The following PADI2 variants were observed in gnomAD, a reference collection of about 807,000 sequenced individuals.
PADI2 encodes the protein peptidyl arginine deiminase 2.
PADI2 carries 70 observed loss-of-function variants against 81.1 expected under a neutral mutation model. The ratio of observed to expected loss-of-function variants is 0.86; its 90% CI spans 0.71 to 1.05. The LOEUF is 1.05. Among genes scored for constraint, PADI2 ranks in the 50% least tolerant of loss-of-function variants. The pLI is 0.00. For synonymous variants in PADI2, 338 were observed against 358.0 expected (o/e 0.94, Z 0.63); for missense variants, 853 against 889.9 (o/e 0.96, Z 0.53).
intron 11 of PADI2, among the ~76,000 whole-genome samples, chr1:17,076,665 C>T (rs892092814): frequency 3.9e-5 from 6 of 152,040 alleles, no homozygotes; most frequent in Non-Finnish European, 8.8e-5. Flanking sequence ...CAATATCTCC[C>T]TCCCTGGTTC....
Position 17,115,130 on chromosome 1 carries a change from C to T in PADI2, c.92+4150G>A, listed in dbSNP as rs949230315. Among the ~76,000 whole-genome samples, 14 of 152,210 alleles carry T rather than the reference C, an allele frequency of 9.2e-5. No individual in the cohort carries two copies. Among genetic ancestry groups the T allele is most frequent in the Non-Finnish European group, 1.3e-4 (9 of 68,028 alleles). ...GTGAGTTTGTGCCAAAGTCTAGGAG[C>T]GCCTGCCTGATACCTTCTTCCTATC... On this transcript the variant is annotated intron_variant, in intron 1 of 15. Transcript: ENST00000375486. The surrounding 1 kb of genome is among the most constrained non-coding windows in gnomAD (Gnocchi z 4.1).
rs2078247483 is a variant in PADI2 at position 17,069,242 on chromosome 1, G to A, written c.1800C>T (p.Ile600=). 3 of 1,614,122 alleles carry A rather than the reference G, an allele frequency of 1.9e-6. No homozygotes were observed. In the East Asian group the frequency reaches 6.7e-5, roughly 36 times the overall value. ...NMIVLDKDLG[I]PKPFGPQVEE... is the part of the protein sequence containing the mutation. ...CAACCTGTGGCCCGAATGGCTTGGG[G>A]ATGCCCAGGTCCTTGTCCAGCACGA... The change falls in exon 16 of 16, where the codon ATC becomes ATT. Residue 600 remains isoleucine (I), a synonymous_variant. Coordinates refer to ENST00000375486, the MANE Select transcript of PADI2 (RefSeq NM_007365.3).
At chr1:17,104,805 C>T (rs12062472) in intron 2 of PADI2, 73 bp downstream of exon 2, 22,489 of 1,328,968 alleles carry the variant, frequency 0.017, 848 homozygotes, top group African/African-American at 0.15. Context: ...TTCTATGGGA[C>T]AGGGCTGGTC....
intron 11 of PADI2, among the ~76,000 whole-genome samples, chr1:17,076,455 C>T (rs1023905002): frequency 2.6e-5 from 4 of 152,036 alleles, no homozygotes; most frequent in East Asian, 1.9e-4. Context: ...CCTCATGATC[C>T]GCCCTCCTTG....
rs147628040 is a variant in PADI2, at chr1:17,069,277, C to T, written c.1765G>A (p.Val589Met). Reference sequence around the variant, plus strand: ...TCCTTGTCCAGCACGATCATGTTCACCTGTGACGGGGGATTGCGATGGCAA... The same window carrying T: ...TCCTTGTCCAGCACGATCATGTTCATCTGTGACGGGGGATTGCGATGGCAA... ...HRARAFFPNM[V>M]NMIVLDKDLG... The change falls in exon 16 of 16, where the codon GTG becomes ATG. Residue 589 changes from valine to methionine, a missense_variant and splice_region_variant. Transcript: ENST00000375486. 3 of 1,612,508 alleles carry T rather than the reference C, an allele frequency of 1.9e-6. No individual in the cohort carries two copies. In the South Asian group the frequency reaches 3.3e-5, roughly 18 times the overall value.
At chr1:17,094,362 C>T (rs1180243233) in intron 4 of PADI2, among the ~76,000 whole-genome samples, 2 of 152,180 alleles carry the variant, frequency 1.3e-5, no homozygotes, top group Admixed American at 1.3e-4. Context: ...AGCTCCCAGG[C>T]CTTTGCCTAT....
intron 11 of PADI2, among the ~76,000 whole-genome samples, chr1:17,077,050 C>T (rs1430403547): frequency 6.6e-6 from 1 of 152,104 alleles, no homozygotes; most frequent in Non-Finnish European, 1.5e-5. Context: ...CCACCTGCTA[C>T]ACTTGCTATC....
chr1:17,108,606 G>A (rs1470432406), intron 1 of PADI2, among the ~76,000 whole-genome samples: 1 of 152,000 alleles, frequency 6.6e-6, no homozygotes, highest in Non-Finnish European at 1.5e-5. Flanking sequence ...GAGGGCAGAG[G>A]TGAGTCGGAC....
chr1:17,112,683 G>T (rs1297725711), intron 1 of PADI2, among the ~76,000 whole-genome samples: 1 of 152,154 alleles, frequency 6.6e-6, no homozygotes, highest in Admixed American at 6.5e-5. Flanking sequence ...CCTGAACAGG[G>T]ATCAGTGGAG....
intron 6 of PADI2, among the ~76,000 whole-genome samples, chr1:17,088,460 C>T (rs995048984): frequency 6.6e-6 from 1 of 152,172 alleles, no homozygotes; most frequent in African/African-American, 2.4e-5. Flanking sequence ...AGTGGATGAA[C>T]CGCGAAGCCA....
At chr1:17,114,116 C>T (rs1931676722) in intron 1 of PADI2, among the ~76,000 whole-genome samples, 1 of 152,246 alleles carries the variant, frequency 6.6e-6, no homozygotes, top group African/African-American at 2.4e-5. Context: ...GCCTGAATTC[C>T]TCCCACCGTC....
At chr1:17,083,394 C>T (rs540616591) in intron 9 of PADI2, 20 of 253,602 alleles carry the variant, frequency 7.9e-5, no homozygotes, top group African/African-American at 2.2e-4. Flanking sequence ...ATATGTTTTC[C>T]GTTGAGTAAC....
intron 10 of PADI2, 64 bp downstream of exon 10, chr1:17,082,481 C>T (rs1240629717): frequency 1.9e-6 from 2 of 1,075,200 alleles, no homozygotes; most frequent in African/African-American, 3.1e-5. Flanking sequence ...GGTCTCCTGA[C>T]CACTCTGTCT....
intron 1 of PADI2, among the ~76,000 whole-genome samples, chr1:17,110,855 CTTGT>C (rs138703779): frequency 0.031 from 4,661 of 152,108 alleles, 260 homozygotes; most frequent in African/African-American, 0.1. Flanking sequence ...ATTGGATCTT[CTTGT>C]TTGTTTGTTT....
Position 17,104,862 on chromosome 1 carries a change from C to A in PADI2, c.276+16G>T. 1 of 1,551,310 alleles carries A rather than the reference C, an allele frequency of 6.4e-7. No individual in the cohort carries two copies. Reference sequence around the variant, plus strand: ...TGGTCCCGGGCCCGCAGAGGCTGGACTTCCCGCCGTGGTACCTTGTCACTG... The same window carrying A: ...TGGTCCCGGGCCCGCAGAGGCTGGAATTCCCGCCGTGGTACCTTGTCACTG... On this transcript the variant is annotated intron_variant, in intron 2 of 15. Transcript: ENST00000375486.
chr1:17,089,510 G>A (rs1374112078), intron 6 of PADI2, among the ~76,000 whole-genome samples: 1 of 152,216 alleles, frequency 6.6e-6, no homozygotes, highest in African/African-American at 2.4e-5. Flanking sequence ...TAGGAACAGG[G>A]ATCTGGCCAG....
chr1:17,097,156 C>T (rs77739664), intron 3 of PADI2, among the ~76,000 whole-genome samples: 2,054 of 152,312 alleles, frequency 0.013, 23 homozygotes, highest in Middle Eastern at 0.037. Context: ...GCTCATCTCA[C>T]GCTGAGCATG....
Position 17,106,862 on chromosome 1 carries a change from T to G in PADI2, c.93-1801A>C, listed in dbSNP as rs562823359. ...CTCCATGGACTGAGGAAAGATCTTG[T>G]GAGGACGCAGTGACAAGGTGGCCAT... On this transcript the variant is annotated intron_variant, in intron 1 of 15. Transcript: ENST00000375486. Among the ~76,000 whole-genome samples, 24 of 152,116 alleles carry G rather than the reference T, an allele frequency of 1.6e-4. No homozygotes were observed. The South Asian group carries it at 5.0e-3, about 32-fold the overall frequency.
Position 17,073,542 on chromosome 1 carries a change from G to A in PADI2, c.1549+1314C>T, listed in dbSNP as rs199630013. On this transcript the variant is annotated intron_variant, in intron 13 of 15. Transcript: ENST00000375486. ...TAAAATAACAAATGTGTTAGATTAG[G>A]TATATTTTATCACAATAAAAAACAT... Among the ~76,000 whole-genome samples, 12 of 152,244 alleles carry A rather than the reference G, an allele frequency of 7.9e-5. No individual in the cohort carries two copies. In the East Asian group the frequency reaches 2.3e-3, roughly 29 times the overall value.
Sources: allele counts gnomAD v4.1 joint callset (sites outside exome capture counted in the v4.1 genomes callset), GRCh38; gene constraint gnomAD v4.1.1; non-coding constraint Gnocchi (gnomAD v3.1); transcripts MANE v1.5; gene names NCBI Gene and HGNC (gene_info 2026-07-23, HGNC 2026-07-21).